The following PACS1 variants were observed in gnomAD, a reference collection of about 807,000 sequenced individuals.
The protein encoded by PACS1 is PACS-1.
PACS1 carries 24 observed loss-of-function variants against 115.0 expected under a neutral mutation model. The ratio of observed to expected loss-of-function variants is 0.21; its 90% CI spans 0.15 to 0.29. The LOEUF is 0.29. PACS1 is among the 10% of genes least tolerant of loss of function. The pLI is 1.00. For synonymous variants in PACS1, 453 were observed against 504.5 expected (o/e 0.90, Z 1.37); for missense variants, 838 against 1,251.2 (o/e 0.67, Z 4.98).
At chr11:66,173,924 C>T (rs939810408) in intron 1 of PACS1, among the ~76,000 whole-genome samples, 5 of 151,318 alleles carry the variant, frequency 3.3e-5, no homozygotes, top group Non-Finnish European at 4.4e-5. Context: ...TGGTGGCACG[C>T]GCCTGTAATC....
intron 1 of PACS1, among the ~76,000 whole-genome samples, chr11:66,075,461 C>T (rs144385038): frequency 0.057 from 8,618 of 151,932 alleles, 388 homozygotes; most frequent in Non-Finnish European, 0.077. Context: ...AGGCTGGTCT[C>T]GAACTCCTGG....
chr11:66,208,012 G>A (rs546299865), intron 2 of PACS1, among the ~76,000 whole-genome samples: 4 of 152,146 alleles, frequency 2.6e-5, no homozygotes, highest in East Asian at 3.9e-4. Flanking sequence ...CAGGTGATCC[G>A]CCCACCTCAG....
chr11:66,143,363 T>C (rs1859044180), intron 1 of PACS1, among the ~76,000 whole-genome samples: 1 of 152,204 alleles, frequency 6.6e-6, no homozygotes, highest in Admixed American at 6.5e-5. Flanking sequence ...TTATGAGCTC[T>C]GCCCTGTCTG....
chr11:66,127,023 G>A (rs1210500117), intron 1 of PACS1, among the ~76,000 whole-genome samples: 1 of 152,068 alleles, frequency 6.6e-6, no homozygotes, highest in Non-Finnish European at 1.5e-5. Flanking sequence ...AGGTTAGGAT[G>A]TAAACGACTT....
intron 1 of PACS1, among the ~76,000 whole-genome samples, chr11:66,083,391 A>G (rs370148020): frequency 3.3e-4 from 50 of 152,334 alleles, no homozygotes; most frequent in African/African-American, 1.2e-3. Context: ...TTTTAAAAAA[A>G]GTATAAAAAG....
chr11:66,096,909 A>C (rs1345405886), intron 1 of PACS1, among the ~76,000 whole-genome samples: 14 of 142,832 alleles, frequency 9.8e-5, no homozygotes, highest in Non-Finnish European at 1.4e-4. Flanking sequence ...TTTGTTGCCC[A>C]TGCCAGTTTT....
chr11:66,090,957 T>C (rs11227403), intron 1 of PACS1, among the ~76,000 whole-genome samples: 31,717 of 152,150 alleles, frequency 0.21, 3,411 homozygotes, highest in Middle Eastern at 0.29. Context: ...AATTTTAATA[T>C]GGAATATGCC....
At chr11:66,221,798 C>T (rs763220994) in intron 10 of PACS1, among the ~76,000 whole-genome samples, 11 of 152,068 alleles carry the variant, frequency 7.2e-5, no homozygotes, top group Non-Finnish European at 5.9e-5. Context: ...CATGGCCCAG[C>T]GCCTTCCCTC....
chr11:66,201,904 T>G (rs940201926), intron 2 of PACS1, among the ~76,000 whole-genome samples: 1 of 152,030 alleles, frequency 6.6e-6, no homozygotes, highest in Non-Finnish European at 1.5e-5. Context: ...GGTGATCTGC[T>G]TGCCTTGGCC....
intron 1 of PACS1, among the ~76,000 whole-genome samples, chr11:66,097,662 T>A (rs1437104030): frequency 6.6e-6 from 1 of 152,216 alleles, no homozygotes; most frequent in African/African-American, 2.4e-5. Flanking sequence ...TTGCTAGTAT[T>A]ATTATGCTAC....
In PACS1 at chr11:66,241,396, C is replaced by A. The variant is rs753090646; in HGVS notation, c.2430-31C>A. The A allele has an allele frequency of 4.6e-6, 7 of 1,523,488 alleles. No homozygotes were observed. In the African/African-American group the frequency reaches 9.6e-5, roughly 21 times the overall value. 94.4% of individuals were successfully genotyped at this position (1,523,488 alleles called of 1,614,324 possible). A position where few individuals can be genotyped will look rare whatever the true frequency, so the allele number is the denominator to read the frequency against. ...ATGTAGTTGGGAGCTGAAGGCAGAG[C>A]TGACCTCTCCTCTTTGTTCCCTTTC... is the stretch of plus-strand genomic sequence containing the variant. On this transcript the variant is annotated intron_variant, in intron 21 of 23. Transcript: ENST00000320580.
chr11:66,156,629 C>T (rs1170069091), intron 1 of PACS1, among the ~76,000 whole-genome samples: 8 of 151,972 alleles, frequency 5.3e-5, no homozygotes, highest in Non-Finnish European at 7.4e-5. Context: ...CCGAGGCAGG[C>T]GGATCACAAG....
intron 1 of PACS1, among the ~76,000 whole-genome samples, chr11:66,178,070 G>A (rs571379476): frequency 6.7e-6 from 1 of 148,940 alleles, no homozygotes; most frequent in East Asian, 1.9e-4. Flanking sequence ...AATATCAAGT[G>A]TTTTACTAAG....
chr11:66,187,283 T>C (rs1338315296), intron 1 of PACS1, among the ~76,000 whole-genome samples: 1 of 152,208 alleles, frequency 6.6e-6, no homozygotes, highest in Non-Finnish European at 1.5e-5. Flanking sequence ...GGGATTAGCA[T>C]ACCCATCATC....
rs774678272 is a variant in PACS1, at chr11:66,220,802, C to T, written c.1199+11C>T. The stretch of plus-strand genomic sequence containing the variant: ...AAAGCCCAAGCTCAAGTGAGCCCCC[C>T]TCTCTGTAGCTGGCCTCCAGACTCT... On this transcript the variant is annotated intron_variant, in intron 9 of 23. Transcript: ENST00000320580. 4 of 1,612,540 alleles carry T rather than the reference C, an allele frequency of 2.5e-6. No individual in the cohort carries two copies. The South Asian group carries it at 4.4e-5, about 18-fold the overall frequency.
chr11:66,090,275 T>C (rs1163729998), intron 1 of PACS1, among the ~76,000 whole-genome samples: 10 of 145,218 alleles, frequency 6.9e-5, no homozygotes, highest in South Asian at 2.2e-4. Flanking sequence ...TCCTTTCTTT[T>C]TTTTTTTTTT....
intron 4 of PACS1, among the ~76,000 whole-genome samples, chr11:66,213,149 G>A (rs1855117173): frequency 6.6e-6 from 1 of 152,230 alleles, no homozygotes; most frequent in South Asian, 2.1e-4. Flanking sequence ...ACTGCTCCCG[G>A]CCTCATTAAT....
Position 66,183,199 on chromosome 11 carries a change from A to G in PACS1, c.357-10287A>G, listed in dbSNP as rs375383819. Among the ~76,000 whole-genome samples, 32 of 152,338 alleles carry G rather than the reference A, an allele frequency of 2.1e-4. No homozygotes were observed. The South Asian group carries it at 6.2e-3, about 30-fold the overall frequency. ...TTCACAATCAAAATTATGCTATTTC[A>G]TATGAAATAATAGGTTCAGTATCTA... is the stretch of plus-strand genomic sequence containing the variant. On this transcript the variant is annotated intron_variant, in intron 1 of 23. Coordinates refer to ENST00000320580, the MANE Select transcript of PACS1 (RefSeq NM_018026.4).
chr11:66,217,706 T>A (rs1855247136), intron 7 of PACS1: 1 of 430,888 alleles, frequency 2.3e-6, no homozygotes, highest in Admixed American at 2.4e-5. Context: ...GGTATCCACC[T>A]CTCAATTGGT....
Sources: gnomAD v4.1 joint callset for allele counts (sites outside exome capture counted in the v4.1 genomes callset) on GRCh38, gnomAD v4.1.1 for gene constraint, MANE v1.5 for transcripts, NCBI Gene and HGNC (gene_info 2026-07-23, HGNC 2026-07-21) for gene names.